RIMS1: variants seen among roughly 807,000 people sequenced by gnomAD.
RIMS1 encodes regulating synaptic membrane exocytosis 1, also known as regulating synaptic membrane exocytosis protein 1.
In RIMS1, 83 loss-of-function variants were observed where a neutral mutation model predicts 214.1. The observed-to-expected ratio is 0.39, with a 90% CI of 0.32 to 0.47. RIMS1 has a LOEUF of 0.47. Ranked by LOEUF, RIMS1 falls within the 20% of genes least tolerant of loss-of-function variation. The pLI, the probability that RIMS1 is intolerant of heterozygous loss-of-function variation, is 0.99. For missense variants in RIMS1, 2,050 were observed against 2,161.8 expected, an observed-to-expected ratio of 0.95 and a Z score of 1.03; for synonymous variants, 793 against 786.8, an observed-to-expected ratio of 1.01 and a Z score of -0.13.
chr6:72,241,183 A>G (rs1320902419), intron 9 of RIMS1, among the ~76,000 whole-genome samples: 1 of 152,212 alleles, frequency 6.6e-6, no homozygotes, highest in African/African-American at 2.4e-5. Flanking sequence ...AAAAAATTCT[A>G]GGTATACATT....
chr6:72,123,073 A>G (rs1352834310), intron 4 of RIMS1, among the ~76,000 whole-genome samples: 3 of 151,608 alleles, frequency 2.0e-5, no homozygotes, highest in Non-Finnish European at 4.4e-5. Flanking sequence ...TAGGGTGTCA[A>G]TTGTAGATCT....
chr6:72,343,992 G>C (rs2097182257), intron 29 of RIMS1, among the ~76,000 whole-genome samples: 1 of 151,782 alleles, frequency 6.6e-6, no homozygotes, highest in African/African-American at 2.4e-5. Context: ...TAAAGGGATA[G>C]TGCTTGAATA....
chr6:72,101,252 C>T (rs1404443174), intron 4 of RIMS1, among the ~76,000 whole-genome samples: 1 of 151,924 alleles, frequency 6.6e-6, no homozygotes, highest in African/African-American at 2.4e-5. Context: ...AATGAGAATA[C>T]AGGTGGGTTT....
chr6:72,148,882 A>G (rs2043118677), intron 4 of RIMS1, among the ~76,000 whole-genome samples: 1 of 152,024 alleles, frequency 6.6e-6, no homozygotes, highest in African/African-American at 2.4e-5. Flanking sequence ...TTGCTTCCCT[A>G]TCATAAGCAG....
intron 1 of RIMS1, among the ~76,000 whole-genome samples, chr6:71,953,760 G>A (rs1257158357): frequency 6.6e-6 from 1 of 152,116 alleles, no homozygotes. Context: ...ACCACTTAGG[G>A]CTGAGTTTTC....
In RIMS1 at chr6:72,307,448, C is replaced by A. The variant is rs577162881; in HGVS notation, c.3963+78C>A. 13 of 906,310 alleles carry A rather than the reference C, an allele frequency of 1.4e-5. No individual in the cohort carries two copies. In the African/African-American group the frequency reaches 2.2e-4, roughly 15 times the overall value. 56.1% of individuals were successfully genotyped at this position (906,310 alleles called of 1,614,324 possible). On this transcript the variant is annotated intron_variant, in intron 27 of 33. Coordinates refer to ENST00000521978, the MANE Select transcript of RIMS1 (RefSeq NM_014989.7). ...GTGTACCAGGCAGGATTAGAAAGCA[C>A]CGAATTATATAAGAGAAGTTATCAT...
intron 1 of RIMS1, among the ~76,000 whole-genome samples, chr6:71,967,693 T>C (rs1014572325): frequency 4.6e-5 from 7 of 152,218 alleles, no homozygotes; most frequent in Non-Finnish European, 8.8e-5. Flanking sequence ...TAGCATCAAC[T>C]CTTGATGAAC....
At chr6:72,341,303 T>C (rs1484105062) in intron 29 of RIMS1, among the ~76,000 whole-genome samples, 1 of 151,378 alleles carries the variant, frequency 6.6e-6, no homozygotes, top group Non-Finnish European at 1.5e-5. Flanking sequence ...GCCCTGGCCA[T>C]TGATTAAATG....
chr6:72,194,410 C>T (rs938457682), intron 6 of RIMS1, among the ~76,000 whole-genome samples: 2 of 151,882 alleles, frequency 1.3e-5, no homozygotes, highest in Non-Finnish European at 2.9e-5. Context: ...TAGATATATA[C>T]TACTATTTGT....
At chr6:72,184,257 GA>G (rs34367108) in intron 6 of RIMS1, among the ~76,000 whole-genome samples, 1,880 of 152,310 alleles carry the variant, frequency 0.012, 38 homozygotes, top group African/African-American at 0.043. Context: ...GCAACGTCAT[GA>G]CATTACAAGA....
chr6:72,006,309 C>G (rs1807601765), intron 2 of RIMS1, among the ~76,000 whole-genome samples: 1 of 152,128 alleles, frequency 6.6e-6, no homozygotes, highest in Non-Finnish European at 1.5e-5. Flanking sequence ...TCAAGAAGCA[C>G]CTATTTAGGA....
At chr6:72,132,905 T>C (rs1205956159) in intron 4 of RIMS1, among the ~76,000 whole-genome samples, 2 of 152,228 alleles carry the variant, frequency 1.3e-5, no homozygotes, top group Admixed American at 6.5e-5. Flanking sequence ...GAGCACATAA[T>C]ATTAATACAG....
intron 6 of RIMS1, among the ~76,000 whole-genome samples, chr6:72,196,407 CTA>C (rs2050926935): frequency 6.6e-6 from 1 of 151,646 alleles, no homozygotes; most frequent in South Asian, 2.1e-4. Flanking sequence ...ATCTATCTAT[CTA>C]TCTATCTATC....
At chr6:72,214,881 G>A (rs1029376217) in intron 6 of RIMS1, among the ~76,000 whole-genome samples, 5 of 151,764 alleles carry the variant, frequency 3.3e-5, no homozygotes, top group Admixed American at 1.3e-4. Flanking sequence ...ACCACCACAC[G>A]CAGCTAATTT....
intron 26 of RIMS1, among the ~76,000 whole-genome samples, chr6:72,299,732 A>C (rs1354935775): frequency 1.3e-5 from 2 of 151,908 alleles, no homozygotes; most frequent in Non-Finnish European, 2.9e-5. Flanking sequence ...AGTTGTATAA[A>C]TAAAAATTAA....
chr6:71,997,897 A>G (rs1450388458), intron 2 of RIMS1, among the ~76,000 whole-genome samples: 3 of 152,298 alleles, frequency 2.0e-5, no homozygotes, highest in East Asian at 1.9e-4. Flanking sequence ...AAAAACAAGT[A>G]AATTAGCTTG....
At chr6:72,230,525 T>G (rs1489167163) in intron 6 of RIMS1, among the ~76,000 whole-genome samples, 1 of 151,588 alleles carries the variant, frequency 6.6e-6, no homozygotes. Flanking sequence ...TGTATATTAT[T>G]TTGAAGGGAT....
chr6:72,156,199 C>A, intron 4 of RIMS1: 1 of 162,018 alleles, frequency 6.2e-6, no homozygotes, highest in Non-Finnish European at 1.4e-5. Flanking sequence ...TTCACAATAA[C>A]CAAGAAGTGG....
intron 26 of RIMS1, among the ~76,000 whole-genome samples, chr6:72,293,838 A>T (rs1242736496): frequency 6.6e-6 from 1 of 151,788 alleles, no homozygotes; most frequent in Non-Finnish European, 1.5e-5. Flanking sequence ...TCTTTCAGAG[A>T]AATCATCAAT....
Sources: allele counts gnomAD v4.1 joint callset (sites outside exome capture counted in the v4.1 genomes callset), GRCh38; gene constraint gnomAD v4.1.1; transcripts MANE v1.5; gene names NCBI Gene and HGNC (gene_info 2026-07-23, HGNC 2026-07-21).